RELN: variants seen among roughly 807,000 people sequenced by gnomAD.
RELN encodes the protein reelin.
RELN carries 108 observed loss-of-function variants against 427.6 expected under a neutral mutation model. The ratio of observed to expected loss-of-function variants is 0.25; its 90% CI spans 0.22 to 0.30. The LOEUF (loss-of-function observed/expected upper bound fraction) is 0.30, where lower values mean the gene tolerates loss of function less well. RELN is among the 10% of genes least tolerant of loss of function. The pLI is 1.00. For missense variants in RELN, 3,715 were observed against 4,302.8 expected, an observed-to-expected ratio of 0.86 and a Z score of 3.82; for synonymous variants, 1,524 against 1,513.4, an observed-to-expected ratio of 1.01 and a Z score of -0.16.
At chr7:103,871,001 A>T (rs1357512828) in intron 2 of RELN, among the ~76,000 whole-genome samples, 3 of 152,098 alleles carry the variant, frequency 2.0e-5, no homozygotes, top group Non-Finnish European at 4.4e-5. Context: ...CAGTTAGGAA[A>T]CTGTCTCAGG....
intron 3 of RELN, among the ~76,000 whole-genome samples, chr7:103,821,921 T>C (rs1264346694): frequency 6.6e-6 from 1 of 152,120 alleles, no homozygotes; most frequent in African/African-American, 2.4e-5. Context: ...ATAGTGGAAA[T>C]ACATGGAGGA....
At chr7:103,488,111 G>T (rs1293993001) in intron 60 of RELN, among the ~76,000 whole-genome samples, 1 of 151,428 alleles carries the variant, frequency 6.6e-6, no homozygotes, top group Non-Finnish European at 1.5e-5. Flanking sequence ...TCACACCACT[G>T]CACTCCAGCC....
At position 103,586,100 on chromosome 7, in the gene RELN, C is replaced by T. The variant is rs978099496; in HGVS notation, c.4145+3496G>A. Among the ~76,000 whole-genome samples, 43 of 152,300 alleles carry T rather than the reference C, an allele frequency of 2.8e-4. 1 individual carries two copies. The highest frequency in any genetic ancestry group is 1.8e-3 in the Admixed American group (28 of 15,284). On this transcript the variant is annotated intron_variant, in intron 28 of 64. Coordinates refer to ENST00000428762, the MANE Select transcript of RELN (RefSeq NM_005045.4). ...AAAAGCCAGGCCGGGCGTGATGGCT[C>T]ATGCCTGTAATCCCAGACTTTGGGA...
intron 8 of RELN, among the ~76,000 whole-genome samples, chr7:103,711,082 G>A (rs1789785172): frequency 6.6e-6 from 1 of 151,914 alleles, no homozygotes; most frequent in South Asian, 2.1e-4. Flanking sequence ...AATAGAAAGA[G>A]TACACAGCCA....
At chr7:103,926,057 C>A (rs1043748121) in intron 1 of RELN, among the ~76,000 whole-genome samples, 1 of 150,152 alleles carries the variant, frequency 6.7e-6, no homozygotes, top group Non-Finnish European at 1.5e-5. Flanking sequence ...CCTAATAGTG[C>A]CCCAAGTAGT....
intron 20 of RELN, among the ~76,000 whole-genome samples, chr7:103,628,947 C>G (rs1364737437): frequency 6.6e-6 from 1 of 152,154 alleles, no homozygotes; most frequent in Non-Finnish European, 1.5e-5. Context: ...TTCCTTGACA[C>G]TCACTACTTC....
rs200530935 is a variant in RELN at position 103,609,338 on chromosome 7, GA to G, written c.3008+1356del. On this transcript the variant is annotated intron_variant, in intron 22 of 64. Coordinates refer to ENST00000428762, the MANE Select transcript of RELN (RefSeq NM_005045.4). ...TTTTATGTGAGGGAAATAAAATAAT[GA>G]AAAAATAAACCTCAGTAGCTCTGCT... Among the ~76,000 whole-genome samples, 80 of 151,954 alleles carry G rather than the reference GA, an allele frequency of 5.3e-4. No individual in the cohort carries two copies. The East Asian group carries it at 0.014, about 27-fold the overall frequency.
intron 3 of RELN, among the ~76,000 whole-genome samples, chr7:103,815,397 T>C (rs1209721509): frequency 6.6e-6 from 1 of 152,238 alleles, no homozygotes; most frequent in East Asian, 1.9e-4. Flanking sequence ...ATCTTTAGGA[T>C]GTAATCTTCC....
intron 25 of RELN, 45 bp from the exon 26 acceptor site, chr7:103,594,537 G>GT (rs1831494236): frequency 6.5e-7 from 1 of 1,540,114 alleles, no homozygotes; most frequent in Non-Finnish European, 8.9e-7. Context: ...CAAAAGCTGT[G>GT]CTTTTTTTTT....
chr7:103,569,741 G>T lies in RELN; in HGVS notation c.4588+2443C>A, dbSNP rs894119941. On this transcript the variant is annotated intron_variant, in intron 31 of 64. Transcript: ENST00000428762. This position sits in a 1 kb window ranked among gnomAD's most constrained non-coding sequence, Gnocchi z 4.0. The stretch of plus-strand genomic sequence containing the variant: ...GATAAGAATGAGAGGGTCGAGGAAT[G>T]CAAGAAAGGCAAAGAGCAATATACA... Among the ~76,000 whole-genome samples, 1 of 152,158 alleles carries T rather than the reference G, an allele frequency of 6.6e-6. No individual in the cohort carries two copies.
At chr7:103,914,409 T>C (rs1432527708) in intron 2 of RELN, among the ~76,000 whole-genome samples, 1 of 152,080 alleles carries the variant, frequency 6.6e-6, no homozygotes, top group African/African-American at 2.4e-5. Context: ...TCTCCTCAAG[T>C]CATCTCAACC....
At chr7:103,599,223 C>A (rs1831608554) in intron 24 of RELN, among the ~76,000 whole-genome samples, 1 of 152,098 alleles carries the variant, frequency 6.6e-6, no homozygotes, top group African/African-American at 2.4e-5. Context: ...TCTTCAGAAT[C>A]TTTTATTGTT....
At chr7:103,619,801 A>G (rs1832174189) in intron 20 of RELN, among the ~76,000 whole-genome samples, 1 of 152,136 alleles carries the variant, frequency 6.6e-6, no homozygotes, top group Non-Finnish European at 1.5e-5. Context: ...CACCCAGGGA[A>G]GAATCAATCC....
chr7:103,622,738 C>T (rs1832248262), intron 20 of RELN, among the ~76,000 whole-genome samples: 1 of 152,166 alleles, frequency 6.6e-6, no homozygotes, highest in Admixed American at 6.5e-5. Flanking sequence ...AATAGCTCCA[C>T]TCTCCACTTC....
chr7:103,804,975 T>C (rs1311534809), intron 3 of RELN, among the ~76,000 whole-genome samples: 3 of 152,064 alleles, frequency 2.0e-5, no homozygotes, highest in Admixed American at 2.0e-4. Context: ...GGGACTTGCG[T>C]TTCATGAAAT....
rs953706280 is a variant in RELN at position 103,682,373 on chromosome 7, T to G, written c.1144-112A>C. The G allele has an allele frequency of 2.8e-6, 3 of 1,071,398 alleles. No individual in the cohort carries two copies. In the African/African-American group the frequency reaches 4.7e-5, roughly 17 times the overall value. 66.4% of individuals were successfully genotyped at this position (1,071,398 alleles called of 1,614,324 possible). A position where few individuals can be genotyped will look rare whatever the true frequency, so the allele number is the denominator to read the frequency against. On this transcript the variant is annotated intron_variant, in intron 10 of 64. Transcript: ENST00000428762. ...AAAAGTTATTATATTAGCTCCTCTA[T>G]GATGGACTCTCAAATCAAAAGAGCT...
intron 1 of RELN, among the ~76,000 whole-genome samples, chr7:103,976,849 A>G (rs1463530547): frequency 6.6e-6 from 1 of 152,180 alleles, no homozygotes; most frequent in African/African-American, 2.4e-5. Context: ...CCAGGAGTTC[A>G]AGACCAGCCT....
At chr7:103,765,989 A>T (rs1791416578) in intron 4 of RELN, among the ~76,000 whole-genome samples, 1 of 152,218 alleles carries the variant, frequency 6.6e-6, no homozygotes, top group South Asian at 2.1e-4. Context: ...GTAGCAAGAA[A>T]TTTTACTATG....
intron 57 of RELN, among the ~76,000 whole-genome samples, chr7:103,494,668 G>C (rs1828779513): frequency 6.6e-6 from 1 of 150,956 alleles, no homozygotes; most frequent in South Asian, 2.1e-4. Context: ...ACAGGTGTTT[G>C]CAATAGAGAT....
Sources: allele counts gnomAD v4.1 joint callset (sites outside exome capture counted in the v4.1 genomes callset), GRCh38; gene constraint gnomAD v4.1.1; non-coding constraint Gnocchi (gnomAD v3.1); transcripts MANE v1.5; gene names NCBI Gene and HGNC (gene_info 2026-07-23, HGNC 2026-07-21).